Variants in LPP observed in about 807,000 individuals in gnomAD.
The protein encoded by LPP is LIM domain containing preferred translocation partner in lipoma.
LPP carries 38 observed loss-of-function variants against 60.4 expected under a neutral mutation model. That is an observed-to-expected ratio of 0.63 (90% CI 0.49 to 0.83). The LOEUF (loss-of-function observed/expected upper bound fraction) is 0.83, where lower values mean the gene tolerates loss of function less well. Ranked by LOEUF, LPP falls within the 40% of genes least tolerant of loss-of-function variation. The pLI, the probability that LPP is intolerant of heterozygous loss-of-function variation, is 0.00. For missense variants in LPP, 902 were observed against 783.6 expected (o/e 1.15, Z -1.80); for synonymous variants, 328 against 290.8 (o/e 1.13, Z -1.30).
At chr3:188,871,436 C>T (rs1371768663) in intron 10 of LPP, among the ~76,000 whole-genome samples, 3 of 152,150 alleles carry the variant, frequency 2.0e-5, no homozygotes, top group Non-Finnish European at 4.4e-5. Flanking sequence ...CTGCTTAATT[C>T]ATATTTATTT....
chr3:188,760,436 G>A (rs996781330), intron 9 of LPP, among the ~76,000 whole-genome samples, 154 bp downstream of exon 9: 1 of 140,432 alleles, frequency 7.1e-6, no homozygotes, highest in Admixed American at 6.9e-5. Flanking sequence ...GTGTGTGTGT[G>A]CGTGCGCGCA....
chr3:188,728,439 T>C (rs1719208223), intron 8 of LPP, among the ~76,000 whole-genome samples: 1 of 152,228 alleles, frequency 6.6e-6, no homozygotes, highest in Non-Finnish European at 1.5e-5. Flanking sequence ...CACTATGTTA[T>C]TTGATGGTTC....
chr3:188,872,363 T>C (rs954277359), intron 10 of LPP, among the ~76,000 whole-genome samples: 4 of 152,176 alleles, frequency 2.6e-5, no homozygotes, highest in Non-Finnish European at 4.4e-5. Flanking sequence ...TCAGAATCTA[T>C]CTAAAGATGA....
At chr3:188,384,830 A>G (rs1203556158) in intron 3 of LPP, among the ~76,000 whole-genome samples, 1 of 146,670 alleles carries the variant, frequency 6.8e-6, no homozygotes, top group African/African-American at 2.6e-5. Context: ...AAAAAATTTC[A>G]GAAGTCCCGG....
chr3:188,697,654 A>G (rs1863543772), intron 7 of LPP, among the ~76,000 whole-genome samples: 1 of 152,212 alleles, frequency 6.6e-6, no homozygotes, highest in Non-Finnish European at 1.5e-5. Context: ...TTATTTTCTA[A>G]GAGCTATCCA....
At chr3:188,650,129 C>T (rs956549931) in intron 7 of LPP, among the ~76,000 whole-genome samples, 23 of 152,152 alleles carry the variant, frequency 1.5e-4, no homozygotes, top group African/African-American at 5.3e-4. Context: ...CTGTTATGCC[C>T]TCTATATGGC....
At chr3:188,688,094 A>G (rs73196743) in intron 7 of LPP, among the ~76,000 whole-genome samples, 1 of 152,338 alleles carries the variant, frequency 6.6e-6, no homozygotes, top group Non-Finnish European at 1.5e-5. Context: ...CTGCATGCCA[A>G]ATGAGACTTA....
At chr3:188,304,105 TGTA>T (rs1179541679) in intron 2 of LPP, among the ~76,000 whole-genome samples, 3 of 152,228 alleles carry the variant, frequency 2.0e-5, no homozygotes, top group Non-Finnish European at 4.4e-5. Context: ...GTCAGTAAAT[TGTA>T]GTCATATAAA....
At position 188,203,551 on chromosome 3, in the gene LPP, T is replaced by TTTTAAATATATATATA. The variant is rs1732112553; in HGVS notation, c.-189-21840_-189-21839insTATTTAAATATATATA. Among the ~76,000 whole-genome samples, 6 of 73,298 alleles carry TTTTAAATATATATATA rather than the reference T, an allele frequency of 8.2e-5. No homozygotes were observed. The South Asian group carries it at 2.7e-3, about 33-fold the overall frequency. The allele number at this position is 73,298 out of a possible 152,430, so 48.1% of individuals were successfully genotyped here. On this transcript the variant is annotated intron_variant, in intron 1 of 11. Transcript: ENST00000617246. ...AATATATATTTAAATATATATATAT[T>TTTTAAATATATATATA]TTTAAATATATATAAATATATATTT...
At chr3:188,306,916 A>G (rs1751718325) in intron 2 of LPP, among the ~76,000 whole-genome samples, 1 of 152,222 alleles carries the variant, frequency 6.6e-6, no homozygotes, top group Admixed American at 6.5e-5. Context: ...ACTTTGGCTC[A>G]AAACAACAAC....
intron 4 of LPP, among the ~76,000 whole-genome samples, chr3:188,409,062 T>A (rs1312881805): frequency 6.6e-6 from 1 of 152,214 alleles, no homozygotes; most frequent in Non-Finnish European, 1.5e-5. Flanking sequence ...TTGCATATGG[T>A]CAAATGTATG....
chr3:188,660,619 T>C (rs1371838111), intron 7 of LPP, among the ~76,000 whole-genome samples: 3 of 149,818 alleles, frequency 2.0e-5, no homozygotes, highest in African/African-American at 7.4e-5. Context: ...TTGTCATCTC[T>C]AGTGTGAAAT....
intron 9 of LPP, among the ~76,000 whole-genome samples, chr3:188,784,291 A>G (rs1324647161): frequency 5.5e-5 from 8 of 145,072 alleles, no homozygotes; most frequent in African/African-American, 2.0e-4. Flanking sequence ...TCCATCATAT[A>G]TATATATTCC....
At chr3:188,186,348 A>C (rs909983649) in intron 1 of LPP, among the ~76,000 whole-genome samples, 2 of 152,258 alleles carry the variant, frequency 1.3e-5, no homozygotes, top group African/African-American at 4.8e-5. Flanking sequence ...GAGTGTTGAA[A>C]ATTTTATAGG....
At chr3:188,345,201 G>A (rs777763864) in intron 3 of LPP, among the ~76,000 whole-genome samples, 63 of 152,046 alleles carry the variant, frequency 4.1e-4, no homozygotes, top group Non-Finnish European at 6.0e-4. Flanking sequence ...TTCTTAAAAG[G>A]CCATTATCTT....
At chr3:188,537,891 T>C (rs1007299902) in intron 6 of LPP, among the ~76,000 whole-genome samples, 5 of 152,122 alleles carry the variant, frequency 3.3e-5, no homozygotes, top group Admixed American at 3.3e-4. Context: ...TGGCCTAAGA[T>C]ATACATAAAG....
chr3:188,768,789 G>A (rs543206936), intron 9 of LPP, among the ~76,000 whole-genome samples: 1 of 152,106 alleles, frequency 6.6e-6, no homozygotes, highest in African/African-American at 2.4e-5. Context: ...CCCCCAGAGA[G>A]AGCCACTATT....
At chr3:188,437,353 T>C (rs994995514) in intron 4 of LPP, among the ~76,000 whole-genome samples, 2 of 152,240 alleles carry the variant, frequency 1.3e-5, no homozygotes, top group South Asian at 2.1e-4. Context: ...GATAATTTGA[T>C]ATGCACTTGA....
chr3:188,506,648 A>G (rs1813537785), intron 5 of LPP, among the ~76,000 whole-genome samples: 1 of 152,202 alleles, frequency 6.6e-6, no homozygotes, highest in African/African-American at 2.4e-5. Flanking sequence ...TGACACAGTT[A>G]CTAGGAGAGC....
Sources: allele counts gnomAD v4.1 joint callset (sites outside exome capture counted in the v4.1 genomes callset), GRCh38; gene constraint gnomAD v4.1.1; transcripts MANE v1.5; gene names NCBI Gene and HGNC (gene_info 2026-07-23, HGNC 2026-07-21).